CPS1: variants seen among roughly 807,000 people sequenced by gnomAD.
The protein encoded by CPS1 is carbamoyl-phosphate synthase 1, also known as carbamoyl-phosphate synthase [ammonia], mitochondrial.
A neutral mutation model predicts 174.6 loss-of-function variants in CPS1; 109 were observed. That is an observed-to-expected ratio of 0.62 (90% CI 0.53 to 0.73). The LOEUF (loss-of-function observed/expected upper bound fraction) is 0.73, where lower values mean the gene tolerates loss of function less well. Among genes scored for constraint, CPS1 ranks in the 30% least tolerant of loss-of-function variants. The probability of loss-of-function intolerance (pLI) is 0.00; values close to 1 mark genes in which losing one functional copy is unlikely to be tolerated. For synonymous variants in CPS1, 637 were observed against 632.0 expected (o/e 1.01, Z -0.12); for missense variants, 1,689 against 1,821.9 (o/e 0.93, Z 1.33).
At chr2:210,544,148 TAG>T (rs1246491074) in intron 1 of CPS1, among the ~76,000 whole-genome samples, 32 of 152,112 alleles carry the variant, frequency 2.1e-4, no homozygotes, top group Admixed American at 9.2e-4. Context: ...GAACCAGGGA[TAG>T]AGTGTGCTTC....
intron 20 of CPS1, among the ~76,000 whole-genome samples, chr2:210,615,346 C>A (rs772410118): frequency 6.6e-6 from 1 of 151,946 alleles, no homozygotes; most frequent in Non-Finnish European, 1.5e-5. Flanking sequence ...TTGAGTATTT[C>A]TGTTAAATGT....
intron 1 of CPS1, among the ~76,000 whole-genome samples, chr2:210,486,098 A>ATATATAC (rs1694708592): frequency 8.0e-6 from 1 of 124,832 alleles, no homozygotes; most frequent in Admixed American, 9.1e-5. Flanking sequence ...ATATACATAT[A>ATATATAC]TATATACACA....
chr2:210,619,709 C>T (rs1699439791), intron 21 of CPS1: 1 of 152,062 alleles, frequency 6.6e-6, no homozygotes, highest in African/African-American at 2.4e-5. Flanking sequence ...TTCCCTTATG[C>T]TAATGAATAA....
chr2:210,650,969 G>A (rs896272271), intron 28 of CPS1, among the ~76,000 whole-genome samples: 1 of 152,172 alleles, frequency 6.6e-6, no homozygotes, highest in Non-Finnish European at 1.5e-5. Context: ...GTTAATACAA[G>A]CATTTCTTAT....
chr2:210,523,936 C>G (rs1380997448), intron 1 of CPS1, among the ~76,000 whole-genome samples: 1 of 151,968 alleles, frequency 6.6e-6, no homozygotes, highest in East Asian at 1.9e-4. Flanking sequence ...AGGTCAAGGG[C>G]TAGCCATATA....
At chr2:210,514,399 C>A (rs148772630) in intron 1 of CPS1, among the ~76,000 whole-genome samples, 1 of 151,804 alleles carries the variant, frequency 6.6e-6, no homozygotes, top group Non-Finnish European at 1.5e-5. Flanking sequence ...GATCTCTCAC[C>A]TCCTTAGGTA....
chr2:210,612,874 A>G (rs1699177379), intron 20 of CPS1, among the ~76,000 whole-genome samples: 1 of 151,902 alleles, frequency 6.6e-6, no homozygotes, highest in South Asian at 2.1e-4. Flanking sequence ...TCCCTCCACT[A>G]CTTGCTTCTC....
chr2:210,542,110 A>G (rs1284459119), intron 1 of CPS1, among the ~76,000 whole-genome samples: 1 of 152,112 alleles, frequency 6.6e-6, no homozygotes, highest in Non-Finnish European at 1.5e-5. Flanking sequence ...AGGGTCTACC[A>G]TTATAATCAT....
chr2:210,585,686 A>T (rs1460933787), intron 6 of CPS1, among the ~76,000 whole-genome samples: 1 of 152,044 alleles, frequency 6.6e-6, no homozygotes, highest in Non-Finnish European at 1.5e-5. Flanking sequence ...ACTAACAGTT[A>T]TACTATTAGT....
chr2:210,591,214 A>G (rs1001957059), intron 9 of CPS1, among the ~76,000 whole-genome samples: 1 of 151,996 alleles, frequency 6.6e-6, no homozygotes, highest in Non-Finnish European at 1.5e-5. Context: ...TTCCCTTGGC[A>G]TAAATTGAGG....
At chr2:210,668,975 T>A (rs931362010) in intron 34 of CPS1, among the ~76,000 whole-genome samples, 7 of 152,186 alleles carry the variant, frequency 4.6e-5, no homozygotes, top group Non-Finnish European at 7.4e-5. Context: ...ATTAAATTTC[T>A]CAACTTAACA....
intron 1 of CPS1, among the ~76,000 whole-genome samples, chr2:210,498,819 C>T (rs1004975854): frequency 2.6e-5 from 4 of 151,994 alleles, no homozygotes; most frequent in African/African-American, 9.7e-5. Flanking sequence ...CTTGCTGGAC[C>T]ACAATCTCTG....
chr2:210,548,904 G>A (rs373253702), intron 1 of CPS1, among the ~76,000 whole-genome samples: 10 of 152,194 alleles, frequency 6.6e-5, no homozygotes, highest in African/African-American at 2.2e-4. Flanking sequence ...ATTTCCAGGA[G>A]GGTGGAATGT....
chr2:210,514,935 T>C (rs1049763326), intron 1 of CPS1, among the ~76,000 whole-genome samples: 27 of 151,748 alleles, frequency 1.8e-4, no homozygotes, highest in African/African-American at 6.0e-4. Context: ...CTAAAGCTTT[T>C]TCTACCTCTT....
intron 11 of CPS1, 72 bp from the exon 12 acceptor site, chr2:210,594,436 G>A: frequency 1.0e-6 from 1 of 984,682 alleles, no homozygotes; most frequent in Non-Finnish European, 1.6e-6. Flanking sequence ...AATTTAACTG[G>A]GTATATTGTG....
At chr2:210,670,894 A>G (rs1701278994) in intron 34 of CPS1, among the ~76,000 whole-genome samples, 1 of 152,232 alleles carries the variant, frequency 6.6e-6, no homozygotes, top group Admixed American at 6.6e-5. Context: ...GACTTAGGAT[A>G]AAAGAATCAA....
At chr2:210,517,710 A>G (rs758209156) in intron 1 of CPS1, among the ~76,000 whole-genome samples, 11 of 151,770 alleles carry the variant, frequency 7.2e-5, no homozygotes. Flanking sequence ...TTCTTTTTGT[A>G]TCTGAATAAT....
chr2:210,515,624 A>G (rs1443855296), intron 1 of CPS1, among the ~76,000 whole-genome samples: 1 of 151,132 alleles, frequency 6.6e-6, no homozygotes, highest in Non-Finnish European at 1.5e-5. Flanking sequence ...TGGTCTCTTG[A>G]TCTTGTTTAT....
intron 1 of CPS1, among the ~76,000 whole-genome samples, chr2:210,564,993 A>G (rs537333369): frequency 1.3e-5 from 2 of 151,592 alleles, no homozygotes; most frequent in African/African-American, 4.9e-5. Flanking sequence ...ATTTCATCTC[A>G]AAAAATAAAT....
Sources: allele counts gnomAD v4.1 joint callset (sites outside exome capture counted in the v4.1 genomes callset), GRCh38; gene constraint gnomAD v4.1.1; transcripts MANE v1.5; gene names NCBI Gene and HGNC (gene_info 2026-07-23, HGNC 2026-07-21).